The following SCFD2 variants were observed in gnomAD, a reference collection of about 807,000 sequenced individuals.
The protein encoded by SCFD2 is sec1 family domain-containing protein 2.
A neutral mutation model predicts 58.9 loss-of-function variants in SCFD2; 54 were observed. That is an observed-to-expected ratio of 0.92 (90% CI 0.74 to 1.15). SCFD2 has a LOEUF of 1.15. Among genes scored for constraint, SCFD2 ranks in the 50% most tolerant of loss-of-function variants. The pLI is 0.00. For synonymous variants in SCFD2, 321 were observed against 335.9 expected (o/e 0.96, Z 0.49); for missense variants, 805 against 836.6 (o/e 0.96, Z 0.47).
At chr4:53,078,070 A>T (rs967912212) in intron 5 of SCFD2, among the ~76,000 whole-genome samples, 134 of 152,186 alleles carry the variant, frequency 8.8e-4, no homozygotes, top group Non-Finnish European at 2.8e-4. Context: ...CTCTGGCATG[A>T]TCAACAGGAA....
chr4:52,962,678 G>T (rs1434227965), intron 5 of SCFD2, among the ~76,000 whole-genome samples: 1 of 151,882 alleles, frequency 6.6e-6, no homozygotes, highest in African/African-American at 2.4e-5. Context: ...TTTAGAGGGG[G>T]GCAGCATTAC....
At chr4:53,249,096 C>G (rs1170877945) in intron 4 of SCFD2, among the ~76,000 whole-genome samples, 1 of 152,050 alleles carries the variant, frequency 6.6e-6, no homozygotes, top group Non-Finnish European at 1.5e-5. Flanking sequence ...ATAACCAATA[C>G]AGAGAAGTGC....
chr4:53,228,603 T>C (rs1408703552), intron 4 of SCFD2, among the ~76,000 whole-genome samples: 2 of 152,148 alleles, frequency 1.3e-5, no homozygotes, highest in South Asian at 2.1e-4. Context: ...ATAAATTAGG[T>C]ATTAATGGGA....
rs111371558 is a variant in SCFD2 at position 52,907,312 on chromosome 4, T to C, written c.1842+145A>G. The C allele has an allele frequency of 5.3e-4, 407 of 770,576 alleles. 3 individuals carry two copies. The African/African-American group carries it at 6.3e-3, about 12-fold the overall frequency. The allele number at this position is 770,576 out of a possible 1,614,324, so 47.7% of individuals were successfully genotyped here. On this transcript the variant is annotated intron_variant, in intron 7 of 8. Transcript: ENST00000401642. The stretch of plus-strand genomic sequence containing the variant: ...GGTCAGGCTGCTTATAATCAAAAGA[T>C]AAAGATTGCCCTTGATTTTAGAAGA...
intron 3 of SCFD2, among the ~76,000 whole-genome samples, chr4:53,307,171 G>A (rs1258684744): frequency 2.0e-5 from 3 of 152,302 alleles, no homozygotes; most frequent in African/African-American, 7.2e-5. Context: ...CCAAATGAAA[G>A]TATTTCAGAC....
At chr4:53,247,495 C>A (rs1305645079) in intron 4 of SCFD2, among the ~76,000 whole-genome samples, 1 of 152,168 alleles carries the variant, frequency 6.6e-6, no homozygotes, top group Admixed American at 6.5e-5. Flanking sequence ...AATCCAAATG[C>A]CCATCAATGA....
At chr4:53,253,439 C>T (rs917214248) in intron 4 of SCFD2, among the ~76,000 whole-genome samples, 13 of 152,002 alleles carry the variant, frequency 8.6e-5, no homozygotes, top group Non-Finnish European at 1.3e-4. Flanking sequence ...CACATGCACA[C>T]GTATGTTTAT....
chr4:52,956,003 C>A (rs1368017426), intron 5 of SCFD2: 1 of 455,320 alleles, frequency 2.2e-6, no homozygotes, highest in South Asian at 1.6e-5. Flanking sequence ...TCAGCAACAC[C>A]ATGGAGGCTT....
In SCFD2 at chr4:53,139,525, G is replaced by C. The variant is rs7692642; in HGVS notation, c.1561+5808C>G. ...TGAGAAGTGAGGAGCCCCTCTGCCC[G>C]GCAGCTGCCCCGTCTGGGAAGTGAG... is the stretch of plus-strand genomic sequence containing the variant. On this transcript the variant is annotated intron_variant, in intron 5 of 8. Coordinates refer to ENST00000401642, the MANE Select transcript of SCFD2 (RefSeq NM_152540.4). Among the ~76,000 whole-genome samples the C allele has an allele frequency of 3.5e-4, 30 of 86,008 alleles. No individual in the cohort carries two copies. In the East Asian group the frequency reaches 9.3e-3, roughly 27 times the overall value. 56.4% of individuals were successfully genotyped at this position (86,008 alleles called of 152,430 possible).
chr4:53,144,404 T>C (rs567383077), intron 5 of SCFD2, among the ~76,000 whole-genome samples: 2 of 149,848 alleles, frequency 1.3e-5, no homozygotes, highest in South Asian at 4.2e-4. Flanking sequence ...TACATATACA[T>C]GTATATATAT....
chr4:52,980,936 CTA>C (rs1471879933), intron 5 of SCFD2, among the ~76,000 whole-genome samples: 3 of 152,056 alleles, frequency 2.0e-5, no homozygotes, highest in African/African-American at 7.2e-5. Flanking sequence ...ATTACATAGC[CTA>C]TATTGGTGTA....
rs564051269 is a variant in SCFD2 at position 53,197,456 on chromosome 4, T to C, written c.1312-51874A>G. 3.9e-5 allele frequency among the ~76,000 whole-genome samples: 6 copies of C among 152,198 alleles called. No homozygotes were observed. The East Asian group carries it at 9.6e-4, about 24-fold the overall frequency. On this transcript the variant is annotated intron_variant, in intron 4 of 8. Coordinates refer to ENST00000401642, the MANE Select transcript of SCFD2 (RefSeq NM_152540.4). ...AAAGAGGAAAAAGGGCCATTATTCA[T>C]AAAGACTTAACTATGTTGGCATAAT...
chr4:53,190,266 GT>G (rs1473274910), intron 4 of SCFD2, among the ~76,000 whole-genome samples: 1 of 152,154 alleles, frequency 6.6e-6, no homozygotes, highest in Non-Finnish European at 1.5e-5. Context: ...ATAGACAGAT[GT>G]TGGCGTGTGT....
chr4:52,944,928 C>G (rs1230675542), intron 5 of SCFD2, among the ~76,000 whole-genome samples: 6 of 152,096 alleles, frequency 3.9e-5, no homozygotes, highest in Non-Finnish European at 1.5e-5. Context: ...ATTTCTTGAC[C>G]AACTCCTGTA....
chr4:53,264,058 G>T (rs1730908481), intron 4 of SCFD2, among the ~76,000 whole-genome samples: 1 of 152,136 alleles, frequency 6.6e-6, no homozygotes, highest in Admixed American at 6.5e-5. Context: ...GAATCACACA[G>T]ATCACCAGGG....
At chr4:53,236,104 G>A (rs936835815) in intron 4 of SCFD2, among the ~76,000 whole-genome samples, 1 of 152,148 alleles carries the variant, frequency 6.6e-6, no homozygotes, top group Admixed American at 6.5e-5. Flanking sequence ...GAGTCAGTGG[G>A]TTGGGGAAGG....
intron 4 of SCFD2, among the ~76,000 whole-genome samples, chr4:53,254,855 A>C (rs1229215553): frequency 1.5e-5 from 2 of 130,172 alleles, no homozygotes; most frequent in African/African-American, 2.9e-5. Context: ...ATTTTATTTT[A>C]TTTTATTTAT....
intron 5 of SCFD2, among the ~76,000 whole-genome samples, chr4:53,109,904 A>T (rs746631508): frequency 2.0e-5 from 3 of 152,130 alleles, no homozygotes; most frequent in Non-Finnish European, 4.4e-5. Flanking sequence ...GAGCCTGTAT[A>T]GCCAAGACAA....
In SCFD2 at chr4:52,873,723, T is replaced by A. The variant is rs1718402869; in HGVS notation, c.*246A>T. The A allele has an allele frequency of 3.0e-6, 1 of 328,086 alleles. No homozygotes were observed. The highest frequency in any genetic ancestry group is 4.2e-5 in the Admixed American group (1 of 23,548). The allele number at this position is 328,086 out of a possible 1,614,324, so 20.3% of individuals were successfully genotyped here. A position where few individuals can be genotyped will look rare whatever the true frequency, so the allele number is the denominator to read the frequency against. ...AAGGATAAATGGAAACGATCACTAA[T>A]TGGACTCGCCAAAAGACAGACTGTC... On this transcript the variant is annotated 3_prime_UTR_variant, in exon 9 of 9. Transcript: ENST00000401642.
Sources: allele counts gnomAD v4.1 joint callset (sites outside exome capture counted in the v4.1 genomes callset), GRCh38; gene constraint gnomAD v4.1.1; transcripts MANE v1.5; gene names NCBI Gene and HGNC (gene_info 2026-07-23, HGNC 2026-07-21).